The following LARGE1 variants were observed in gnomAD, a reference collection of about 807,000 sequenced individuals.
LARGE1 encodes LARGE xylosyl- and glucuronyltransferase 1, also known as xylosyl- and glucuronyltransferase LARGE1.
LARGE1 carries 43 observed loss-of-function variants against 87.6 expected under a neutral mutation model. The ratio of observed to expected loss-of-function variants is 0.49; its 90% CI spans 0.38 to 0.63. LARGE1 has a LOEUF of 0.63. Among genes scored for constraint, LARGE1 ranks in the 30% least tolerant of loss-of-function variants. The probability of loss-of-function intolerance (pLI) is 0.00; values close to 1 mark genes in which losing one functional copy is unlikely to be tolerated. For missense variants in LARGE1, 802 were observed against 1,000.2 expected, an observed-to-expected ratio of 0.80 and a Z score of 2.67; for synonymous variants, 434 against 394.6, an observed-to-expected ratio of 1.10 and a Z score of -1.18.
chr22:33,082,721 A>G, the LARGE1 span, among the ~76,000 whole-genome samples: 13 of 152,214 alleles, frequency 8.5e-5, no homozygotes, highest in African/African-American at 3.1e-4. Context: ...ATAGTTAGCA[A>G]CAGACAAGTT....
chr22:33,391,305 A>T (rs1198562056), intron 7 of LARGE1, among the ~76,000 whole-genome samples: 3 of 152,154 alleles, frequency 2.0e-5, no homozygotes, highest in Non-Finnish European at 2.9e-5. Flanking sequence ...GTTCTCAGGG[A>T]GCAAGGCCTG....
At chr22:33,233,119 C>T (rs766100816) in intron 11 of LARGE1, among the ~76,000 whole-genome samples, 2 of 152,168 alleles carry the variant, frequency 1.3e-5, no homozygotes, top group Non-Finnish European at 2.9e-5. Context: ...AGCTTGTTTT[C>T]TAAAGCAGGT....
intron 1 of LARGE1, among the ~76,000 whole-genome samples, chr22:33,798,147 C>T (rs769882513): frequency 9.9e-5 from 15 of 152,048 alleles, no homozygotes; most frequent in Non-Finnish European, 1.5e-4. Context: ...AAAATTTAGC[C>T]GGGCGTGATG....
intron 1 of LARGE1, among the ~76,000 whole-genome samples, chr22:33,824,927 T>C (rs918942246): frequency 2.0e-5 from 3 of 152,124 alleles, no homozygotes; most frequent in Admixed American, 6.6e-5. Flanking sequence ...CAGACACAGG[T>C]GGTCAGCAAG....
intron 11 of LARGE1, among the ~76,000 whole-genome samples, chr22:33,218,686 C>T (rs904336499): frequency 3.3e-5 from 5 of 152,164 alleles, no homozygotes; most frequent in African/African-American, 1.2e-4. Flanking sequence ...CTCATATGAT[C>T]CTTTTATCAA....
rs1928362450 is a variant in LARGE1, at chr22:33,272,548, TTTTA to T, written c.*1875_*1878del. The stretch of plus-strand genomic sequence containing the variant: ...TTCTGCTTTATACATATATGTCACT[TTTTA>T]TTTATAAATGCTTTGTATATAGGCT... On this transcript the variant is annotated 3_prime_UTR_variant, in exon 15 of 15. Coordinates refer to ENST00000397394, the MANE Select transcript of LARGE1 (RefSeq NM_133642.5). 6.6e-6 allele frequency among the ~76,000 whole-genome samples: 1 copy of T among 152,234 alleles called. No homozygotes were observed. Among genetic ancestry groups the T allele is most frequent in the African/African-American group, 2.4e-5 (1 of 41,452 alleles).
chr22:33,838,334 C>T (rs187393624), intron 1 of LARGE1, among the ~76,000 whole-genome samples: 135 of 152,234 alleles, frequency 8.9e-4, no homozygotes, highest in African/African-American at 3.1e-3. Flanking sequence ...ACTAGGATCT[C>T]AAAAAATGTG....
chr22:33,416,650 C>T (rs12628567), intron 7 of LARGE1, among the ~76,000 whole-genome samples: 12,960 of 152,132 alleles, frequency 0.085, 687 homozygotes, highest in Non-Finnish European at 0.12. Flanking sequence ...GTCGCCCAGC[C>T]TGGAGTACAA....
At chr22:33,502,020 C>T (rs1401861807) in intron 6 of LARGE1, among the ~76,000 whole-genome samples, 3 of 151,890 alleles carry the variant, frequency 2.0e-5, no homozygotes, top group African/African-American at 7.3e-5. Flanking sequence ...TGGTGAAACC[C>T]CATCTCTCTA....
At chr22:33,768,548 T>C (rs889689612) in intron 1 of LARGE1, among the ~76,000 whole-genome samples, 1 of 152,140 alleles carries the variant, frequency 6.6e-6, no homozygotes, top group Non-Finnish European at 1.5e-5. Flanking sequence ...ACTGCTTCTA[T>C]AGGACTTCTC....
At chr22:33,716,139 T>C (rs1432211522) in intron 2 of LARGE1, among the ~76,000 whole-genome samples, 1 of 152,210 alleles carries the variant, frequency 6.6e-6, no homozygotes. Context: ...TTCAAATCTG[T>C]TCCCATAAAA....
chr22:33,312,743 C>T (rs1186836801), intron 11 of LARGE1, among the ~76,000 whole-genome samples: 3 of 152,278 alleles, frequency 2.0e-5, no homozygotes, highest in Non-Finnish European at 4.4e-5. Flanking sequence ...GATTATAGTA[C>T]CTGAGTTTCA....
chr22:33,552,165 A>T (rs1413046403), intron 6 of LARGE1, among the ~76,000 whole-genome samples: 11 of 152,206 alleles, frequency 7.2e-5, no homozygotes, highest in Non-Finnish European at 5.9e-5. Flanking sequence ...GGTAACAAGT[A>T]GGTGCTCAAT....
intron 2 of LARGE1, among the ~76,000 whole-genome samples, chr22:33,707,886 G>A (rs572268058): frequency 6.6e-6 from 1 of 152,274 alleles, no homozygotes; most frequent in East Asian, 1.9e-4. Flanking sequence ...AAGCCAGAGA[G>A]AAACTAGGGA....
At chr22:33,248,578 C>A (rs1240706586) in intron 11 of LARGE1, among the ~76,000 whole-genome samples, 4 of 152,178 alleles carry the variant, frequency 2.6e-5, no homozygotes, top group Non-Finnish European at 5.9e-5. Flanking sequence ...GTCCTAATCA[C>A]CCAAAGTGCA....
At chr22:33,741,930 C>A (rs1333845160) in intron 2 of LARGE1, among the ~76,000 whole-genome samples, 1 of 152,202 alleles carries the variant, frequency 6.6e-6, no homozygotes, top group Non-Finnish European at 1.5e-5. Flanking sequence ...AGGGTCCCAG[C>A]AGAACCAGCT....
At chr22:33,683,763 C>T (rs2081856044) in intron 2 of LARGE1, among the ~76,000 whole-genome samples, 1 of 151,926 alleles carries the variant, frequency 6.6e-6, no homozygotes, top group African/African-American at 2.4e-5. Context: ...ACTATCTGAA[C>T]TCTGCCAGTC....
chr22:33,104,134 C>T, the LARGE1 span, among the ~76,000 whole-genome samples: 1 of 152,190 alleles, frequency 6.6e-6, no homozygotes, highest in Non-Finnish European at 1.5e-5. Flanking sequence ...CACAGACTGG[C>T]TGACACCTTG....
chr22:33,461,026 A>G (rs1218787945), intron 6 of LARGE1, among the ~76,000 whole-genome samples: 1 of 152,228 alleles, frequency 6.6e-6, no homozygotes, highest in African/African-American at 2.4e-5. Context: ...CTCAAAGATA[A>G]ATTTCCAAGA....
Sources: gnomAD v4.1 joint callset for allele counts (sites outside exome capture counted in the v4.1 genomes callset) on GRCh38, gnomAD v4.1.1 for gene constraint, MANE v1.5 for transcripts, NCBI Gene and HGNC (gene_info 2026-07-23, HGNC 2026-07-21) for gene names.